TIAM1: variants seen among roughly 807,000 people sequenced by gnomAD.
TIAM1 encodes TIAM Rac1 associated GEF 1.
In TIAM1, 65 loss-of-function variants were observed where a neutral mutation model predicts 163.5. The ratio of observed to expected loss-of-function variants is 0.40; its 90% CI spans 0.33 to 0.49. The LOEUF is 0.49. Ranked by LOEUF, TIAM1 falls within the 20% of genes least tolerant of loss-of-function variation. TIAM1 has a pLI of 0.77. For synonymous variants in TIAM1, 833 were observed against 810.1 expected, an observed-to-expected ratio of 1.03 and a Z score of -0.48; for missense variants, 1,789 against 2,044.7, an observed-to-expected ratio of 0.87 and a Z score of 2.41.
At chr21:31,260,903 A>T (rs2072432912) in intron 4 of TIAM1, among the ~76,000 whole-genome samples, 1 of 152,196 alleles carries the variant, frequency 6.6e-6, no homozygotes, top group South Asian at 2.1e-4. Context: ...ATCTAAGGAA[A>T]ACGTCCACAT....
intron 2 of TIAM1, among the ~76,000 whole-genome samples, chr21:31,291,463 C>T (rs1305160417): frequency 6.6e-6 from 1 of 152,184 alleles, no homozygotes; most frequent in East Asian, 1.9e-4. Context: ...TCCTGCTGAT[C>T]TGCACCCCCT....
intron 11 of TIAM1, among the ~76,000 whole-genome samples, chr21:31,203,480 A>G (rs1021115440): frequency 2.6e-5 from 4 of 152,242 alleles, no homozygotes; most frequent in Non-Finnish European, 1.5e-5. Context: ...TAAAAAGTTT[A>G]CATCGTAAAT....
intron 27 of TIAM1, among the ~76,000 whole-genome samples, chr21:31,122,024 G>A (rs1281397218): frequency 6.6e-6 from 1 of 152,202 alleles, no homozygotes; most frequent in Non-Finnish European, 1.5e-5. Context: ...GCTAGAAGAT[G>A]CCTCGTGTCT....
chr21:31,290,742 C>A (rs1419743304), intron 2 of TIAM1, among the ~76,000 whole-genome samples: 2 of 150,580 alleles, frequency 1.3e-5, no homozygotes, highest in African/African-American at 4.9e-5. Context: ...ATGGCGACTG[C>A]TTTTGCAACT....
chr21:31,558,678 C>T (rs2048979887), intron 1 of TIAM1, among the ~76,000 whole-genome samples: 1 of 152,156 alleles, frequency 6.6e-6, no homozygotes, highest in African/African-American at 2.4e-5. Context: ...TCGTCTCCCT[C>T]CTTCGCGCGA....
At chr21:31,479,504 TG>T (rs2147392031) in intron 1 of TIAM1, among the ~76,000 whole-genome samples, 1 of 152,206 alleles carries the variant, frequency 6.6e-6, no homozygotes, top group South Asian at 2.1e-4. Context: ...AGAGGTCTGC[TG>T]GAGTGGGATT....
At chr21:31,527,873 C>T (rs1045649737) in intron 1 of TIAM1, among the ~76,000 whole-genome samples, 1 of 152,070 alleles carries the variant, frequency 6.6e-6, no homozygotes, top group Non-Finnish European at 1.5e-5. Context: ...CCATCACTAC[C>T]CTTCAGAAAC....
chr21:31,461,913 C>T (rs1487332659), intron 2 of TIAM1, among the ~76,000 whole-genome samples: 4 of 152,174 alleles, frequency 2.6e-5, no homozygotes, highest in East Asian at 3.8e-4. Context: ...GCGATCCTCC[C>T]GCCTCAGCCT....
At chr21:31,420,993 G>C (rs1243424663) in intron 2 of TIAM1, among the ~76,000 whole-genome samples, 1 of 151,842 alleles carries the variant, frequency 6.6e-6, no homozygotes, top group Non-Finnish European at 1.5e-5. Context: ...ATGGTGGCGG[G>C]TGCCTGTAAT....
At chr21:31,121,417 G>A (rs139496316) in intron 27 of TIAM1, among the ~76,000 whole-genome samples, 1 of 152,288 alleles carries the variant, frequency 6.6e-6, no homozygotes, top group African/African-American at 2.4e-5. Flanking sequence ...TCTGGGAACT[G>A]GAACATAACA....
intron 3 of TIAM1, among the ~76,000 whole-genome samples, chr21:31,272,286 T>TA (rs1336488205): frequency 1.3e-5 from 2 of 151,996 alleles, no homozygotes; most frequent in African/African-American, 2.4e-5. Flanking sequence ...ACCGTAAAGT[T>TA]AAAAAAACAC....
rs1404827555 is a variant in TIAM1 at position 31,512,446 on chromosome 21, G to A, written c.-422+46481C>T. The stretch of plus-strand genomic sequence containing the variant: ...TCACAACAGCACTATATAAATCAAT[G>A]AATGGCCTGTGACCCAGTTTGAAAA... On this transcript the variant is annotated intron_variant, in intron 1 of 28. Transcript: ENST00000286827. Among the ~76,000 whole-genome samples, 3 of 151,898 alleles carry A rather than the reference G, an allele frequency of 2.0e-5. No homozygotes were observed. In the East Asian group the frequency reaches 5.8e-4, roughly 29 times the overall value.
chr21:31,392,880 C>T (rs151166372), intron 2 of TIAM1, among the ~76,000 whole-genome samples: 41 of 152,078 alleles, frequency 2.7e-4, no homozygotes, highest in African/African-American at 8.9e-4. Context: ...TGAGTAAAAG[C>T]TTCTTGCAGC....
chr21:31,532,551 T>A (rs1337064298), intron 1 of TIAM1, among the ~76,000 whole-genome samples: 1 of 152,234 alleles, frequency 6.6e-6, no homozygotes, highest in African/African-American at 2.4e-5. Flanking sequence ...AATGTCTACC[T>A]AATCTTTTAA....
chr21:31,263,435 C>G (rs2072586899), intron 4 of TIAM1, among the ~76,000 whole-genome samples: 1 of 152,194 alleles, frequency 6.6e-6, no homozygotes, highest in Non-Finnish European at 1.5e-5. Context: ...GAGACACCAC[C>G]TTTAGATGAT....
At chr21:31,364,268 G>A (rs2076460862) in intron 2 of TIAM1, among the ~76,000 whole-genome samples, 1 of 152,158 alleles carries the variant, frequency 6.6e-6, no homozygotes, top group Non-Finnish European at 1.5e-5. Context: ...AAAATAAAAA[G>A]CATCCCAGGT....
chr21:31,451,811 C>A (rs1192591718), intron 2 of TIAM1, among the ~76,000 whole-genome samples: 2 of 151,016 alleles, frequency 1.3e-5, no homozygotes, highest in Admixed American at 1.3e-4. Flanking sequence ...GTGAGAGATA[C>A]AAAAACTAGT....
chr21:31,129,916 G>C (rs2082342992), intron 25 of TIAM1, among the ~76,000 whole-genome samples: 1 of 152,140 alleles, frequency 6.6e-6, no homozygotes, highest in Non-Finnish European at 1.5e-5. Flanking sequence ...AGTCACTATA[G>C]TATTAATCTA....
intron 1 of TIAM1, among the ~76,000 whole-genome samples, chr21:31,513,932 G>A (rs2047296098): frequency 6.6e-6 from 1 of 152,132 alleles, no homozygotes; most frequent in South Asian, 2.1e-4. Flanking sequence ...ACTTGAACCT[G>A]GGAGGCAGAG....
Sources: allele counts gnomAD v4.1 joint callset (sites outside exome capture counted in the v4.1 genomes callset), GRCh38; gene constraint gnomAD v4.1.1; transcripts MANE v1.5; gene names NCBI Gene and HGNC (gene_info 2026-07-23, HGNC 2026-07-21).